XPNPEP1: variants seen among roughly 807,000 people sequenced by gnomAD.
XPNPEP1 encodes the protein X-prolyl aminopeptidase 1, also known as xaa-Pro aminopeptidase 1.
A neutral mutation model predicts 92.4 loss-of-function variants in XPNPEP1; 39 were observed. The ratio of observed to expected loss-of-function variants is 0.42; its 90% CI spans 0.33 to 0.55. The LOEUF is 0.55. Ranked by LOEUF, XPNPEP1 falls within the 20% of genes least tolerant of loss-of-function variation. The pLI is 0.08. For synonymous variants in XPNPEP1, 307 were observed against 299.4 expected (o/e 1.03, Z -0.26); for missense variants, 654 against 856.1 (o/e 0.76, Z 2.95).
intron 1 of XPNPEP1, among the ~76,000 whole-genome samples, chr10:109,915,550 G>A (rs1216802176): frequency 1.3e-5 from 2 of 151,088 alleles, no homozygotes; most frequent in East Asian, 3.9e-4. Context: ...TAACCCTCAT[G>A]TTTGCTAGGT....
intron 14 of XPNPEP1, chr10:109,877,438 C>T: frequency 4.4e-6 from 1 of 224,728 alleles, no homozygotes; most frequent in Non-Finnish European, 8.9e-6. Context: ...TGCGCTCCAG[C>T]CTGGGCAGCA....
chr10:109,904,553 C>T (rs187985290), intron 3 of XPNPEP1, among the ~76,000 whole-genome samples: 6 of 152,170 alleles, frequency 3.9e-5, no homozygotes, highest in Non-Finnish European at 1.5e-5. Flanking sequence ...CTTAGAGGTA[C>T]AGAGTGCACA....
rs532632852 is a variant in XPNPEP1 at position 109,915,418 on chromosome 10, C to A, written c.33-319G>T. Among the ~76,000 whole-genome samples, 4 of 152,230 alleles carry A rather than the reference C, an allele frequency of 2.6e-5. No homozygotes were observed. In the East Asian group the frequency reaches 7.7e-4, roughly 29 times the overall value. ...TATTTGGTTCTTTTTCACATCTGCC[C>A]GTTCTTTCTTTATGGTGTCCTATTC... On this transcript the variant is annotated intron_variant, in intron 1 of 20. Coordinates refer to ENST00000502935, the MANE Select transcript of XPNPEP1 (RefSeq NM_020383.4).
rs80223982 is a variant in XPNPEP1 at position 109,866,898 on chromosome 10, C to T, written c.1873-1586G>A. ...AATGAAACACTGGGTAACACAGATC[C>T]CTGGTCTATGTCCAATGTCACGGGA... On this transcript the variant is annotated intron_variant, in intron 20 of 20. Coordinates refer to ENST00000502935, the MANE Select transcript of XPNPEP1 (RefSeq NM_020383.4). 8.1e-3 allele frequency among the ~76,000 whole-genome samples: 1,236 copies of T among 152,308 alleles called. 16 individuals carry two copies. Among genetic ancestry groups the T allele is most frequent in the African/African-American group, 0.025 (1,036 of 41,562 alleles).
chr10:109,891,701 G>A (rs1409731058), intron 5 of XPNPEP1, 21 bp downstream of exon 5: 1 of 1,533,764 alleles, frequency 6.5e-7, no homozygotes, highest in African/African-American at 1.4e-5. Flanking sequence ...CTAAGTTTGG[G>A]CTAGCCATGC....
chr10:109,888,083 G>C lies in XPNPEP1; in HGVS notation c.618C>G (p.Cys206Trp), dbSNP rs1848496211. 1.2e-6 allele frequency: 2 copies of C among 1,614,130 alleles called. No homozygotes were observed. Among genetic ancestry groups the C allele is most frequent in the Non-Finnish European group, 1.7e-6 (2 of 1,180,032 alleles). Residue 206 changes from cysteine to tryptophan, a missense_variant, in exon 7 of 21, where the codon TGC (cysteine) becomes TGG (tryptophan). Cys to Trp is a radical substitution (Grantham distance 215, BLOSUM62 -2). Transcript: ENST00000502935. Reference sequence around the variant, plus strand: ...CCAGGCCCAGTGTGAGGAGAGGCTTGCAAGGGCGCTCAGGACGGTCTGTCC... The same window carrying C: ...CCAGGCCCAGTGTGAGGAGAGGCTTCCAAGGGCGCTCAGGACGGTCTGTCC... Reference protein sequence around the residue: ...KIWTDRPERPCKPLLTLGLDY... With the variant: ...KIWTDRPERPWKPLLTLGLDY...
chr10:109,923,301 T>C (rs2133600803), intron 1 of XPNPEP1, 101 bp downstream of exon 1: 2 of 1,253,910 alleles, frequency 1.6e-6, no homozygotes, highest in South Asian at 2.5e-5. Flanking sequence ...CGGGCCGGGC[T>C]CCTCACCCGC....
In XPNPEP1 at chr10:109,873,635, T is replaced by A. The variant is rs1847610885; in HGVS notation, c.1392-208A>T. Reference sequence around the variant, plus strand: ...CAGTAATTCCACTCCTAGTTATATATCCAAGAGAACTGAAAACATACATCC... The same window carrying A: ...CAGTAATTCCACTCCTAGTTATATAACCAAGAGAACTGAAAACATACATCC... On this transcript the variant is annotated intron_variant, in intron 15 of 20. Transcript: ENST00000502935. 3 of 535,318 alleles carry A rather than the reference T, an allele frequency of 5.6e-6. No homozygotes were observed. In the South Asian group the frequency reaches 8.6e-5, roughly 15 times the overall value. The allele number at this position is 535,318 out of a possible 1,614,324, so 33.2% of individuals were successfully genotyped here. A position where few individuals can be genotyped will look rare whatever the true frequency, so the allele number is the denominator to read the frequency against.
At chr10:109,876,587 A>T (rs548109105) in intron 14 of XPNPEP1, 1 of 152,390 alleles carries the variant, frequency 6.6e-6, no homozygotes, top group East Asian at 1.9e-4. Flanking sequence ...TGATATTTTT[A>T]TGCTGGAACA....
chr10:109,923,505 GA>G lies in XPNPEP1; in HGVS notation c.-73del. 1 of 1,245,220 alleles carries G rather than the reference GA, an allele frequency of 8.0e-7. No individual in the cohort carries two copies. The highest frequency in any genetic ancestry group is 1.0e-6 in the Non-Finnish European group (1 of 991,562). 77.1% of individuals were successfully genotyped at this position (1,245,220 alleles called of 1,614,324 possible). ...TGATCACCCGCGGAAGGGCCGGCGC[GA>G]AGGAGGCGCGAGAGCCGGCGGGCGG... On this transcript the variant is annotated 5_prime_UTR_variant, in exon 1 of 21. Transcript: ENST00000502935.
Position 109,873,663 on chromosome 10 carries a change from A to T in XPNPEP1, c.1392-236T>A, listed in dbSNP as rs145224135. On this transcript the variant is annotated intron_variant, in intron 15 of 20. Coordinates refer to ENST00000502935, the MANE Select transcript of XPNPEP1 (RefSeq NM_020383.4). ...AAGAGAACTGAAAACATACATCCAC[A>T]CAAAAACTTGTACATGAAGGTTCAC... 2.2e-3 allele frequency: 1,129 copies of T among 524,066 alleles called. 1 individual carries two copies. Among genetic ancestry groups the T allele is most frequent in the Non-Finnish European group, 3.0e-3 (892 of 293,158 alleles). The allele number at this position is 524,066 out of a possible 1,614,324, so 32.5% of individuals were successfully genotyped here. A position where few individuals can be genotyped will look rare whatever the true frequency, so the allele number is the denominator to read the frequency against.
At chr10:109,872,141 A>G (rs1023099557) in intron 16 of XPNPEP1, among the ~76,000 whole-genome samples, 3 of 152,220 alleles carry the variant, frequency 2.0e-5, no homozygotes, top group Admixed American at 6.5e-5. Context: ...GAGCCTTAGA[A>G]AGAATGGAAA....
chr10:109,877,699 A>G (rs538661516), intron 14 of XPNPEP1, 91 bp downstream of exon 14: 5 of 1,392,266 alleles, frequency 3.6e-6, no homozygotes, highest in South Asian at 2.3e-5. Context: ...AGGTGGGCAC[A>G]GAGGCCTCTG....
At chr10:109,914,251 A>G (rs1428643634) in intron 2 of XPNPEP1, among the ~76,000 whole-genome samples, 1 of 152,190 alleles carries the variant, frequency 6.6e-6, no homozygotes, top group Non-Finnish European at 1.5e-5. Context: ...ATATTTCCCA[A>G]AAAGACTTTC....
rs543380926 is a variant in XPNPEP1 at position 109,903,514 on chromosome 10, G to C, written c.246+4177C>G. On this transcript the variant is annotated intron_variant, in intron 3 of 20. Transcript: ENST00000502935. ...GGTGACTGCAATCAAATCAGCCTAG[G>C]GCAACTGTCCAATGCTTGAAGGGCA... is the stretch of plus-strand genomic sequence containing the variant. Among the ~76,000 whole-genome samples, 14 of 152,266 alleles carry C rather than the reference G, an allele frequency of 9.2e-5. No individual in the cohort carries two copies. In the East Asian group the frequency reaches 2.7e-3, roughly 29 times the overall value.
chr10:109,921,698 C>T (rs1420109607), intron 1 of XPNPEP1, among the ~76,000 whole-genome samples: 1 of 152,206 alleles, frequency 6.6e-6, no homozygotes, highest in East Asian at 1.9e-4. Context: ...TTGATGGGAA[C>T]CTTGGTTTTC....
intron 3 of XPNPEP1, among the ~76,000 whole-genome samples, chr10:109,899,399 A>G (rs1381331752): frequency 1.3e-5 from 2 of 152,202 alleles, no homozygotes; most frequent in East Asian, 3.9e-4. Flanking sequence ...ATGGGATGGA[A>G]GAGCCTAGAT....
intron 5 of XPNPEP1, among the ~76,000 whole-genome samples, chr10:109,890,593 TGAGA>T (rs34618002): frequency 0.18 from 18,712 of 102,348 alleles, 1,560 homozygotes; most frequent in South Asian, 0.27. Flanking sequence ...TGTGTGTGTG[TGAGA>T]GAGAGAGAGA....
chr10:109,871,035 C>A, intron 17 of XPNPEP1, 131 bp from the exon 18 acceptor site: 1 of 1,035,056 alleles, frequency 9.7e-7, no homozygotes, highest in Non-Finnish European at 1.3e-6. Context: ...TTCAGCACAG[C>A]ACAAGGAAGA....
Sources: allele counts gnomAD v4.1 joint callset (sites outside exome capture counted in the v4.1 genomes callset), GRCh38; gene constraint gnomAD v4.1.1; transcripts MANE v1.5; gene names NCBI Gene and HGNC (gene_info 2026-07-23, HGNC 2026-07-21).